The following SMCHD1 variants were observed in gnomAD, a reference collection of about 807,000 sequenced individuals.
SMCHD1 encodes structural maintenance of chromosomes flexible hinge domain containing 1.
A neutral mutation model predicts 254.7 loss-of-function variants in SMCHD1; 78 were observed. The observed-to-expected ratio is 0.31, with a 90% confidence interval of 0.26 to 0.37. The LOEUF (loss-of-function observed/expected upper bound fraction) is 0.37. Among genes scored for constraint, SMCHD1 ranks in the 10% least tolerant of loss-of-function variants. The pLI, the probability that SMCHD1 is intolerant of heterozygous loss-of-function variation, is 1.00. For missense variants in SMCHD1, 1,840 were observed against 2,408.1 expected (o/e 0.76, Z 4.94); for synonymous variants, 766 against 794.9 (o/e 0.96, Z 0.61).
At chr18:2,659,235 G>A (rs184783833) in intron 1 of SMCHD1, among the ~76,000 whole-genome samples, 10 of 152,082 alleles carry the variant, frequency 6.6e-5, no homozygotes, top group Admixed American at 5.9e-4. Flanking sequence ...CTCCTGCCTC[G>A]GCCTCTTGAG....
At chr18:2,678,724 ACT>A (rs1377473799) in intron 5 of SMCHD1, among the ~76,000 whole-genome samples, 1 of 151,260 alleles carries the variant, frequency 6.6e-6, no homozygotes, top group African/African-American at 2.4e-5. Flanking sequence ...AGCCCAAAGG[ACT>A]CTCTCTAGTG....
At chr18:2,715,500 A>G (rs962648298) in intron 17 of SMCHD1, among the ~76,000 whole-genome samples, 1 of 152,082 alleles carries the variant, frequency 6.6e-6, no homozygotes, top group Non-Finnish European at 1.5e-5. Flanking sequence ...CATATCCTGA[A>G]TTTCATTTTC....
rs1222672940 is a variant in SMCHD1, at chr18:2,778,209, T to C, written c.5517T>C (p.Asn1839=). 14 of 1,610,104 alleles carry C rather than the reference T, an allele frequency of 8.7e-6. No homozygotes were observed. Among genetic ancestry groups the C allele is most frequent in the Non-Finnish European group, 1.2e-5 (14 of 1,177,876 alleles). The change falls in exon 44 of 48, where the codon AAT becomes AAC. Residue 1839 remains asparagine (N), a synonymous_variant. Transcript: ENST00000320876. ...MLLGDTIILD[N]LDAANHYRKE... ...TAGGAGACACCATTATTTTGGATAA[T>C]CTGGATGCGGCCAATCATTATAGAA...
intron 12 of SMCHD1, among the ~76,000 whole-genome samples, chr18:2,703,299 A>AT (rs1473842038): frequency 2.0e-5 from 3 of 152,080 alleles, no homozygotes; most frequent in African/African-American, 4.8e-5. Context: ...ACACAATGAG[A>AT]TTTTTATCGT....
chr18:2,742,246 T>C (rs1454253509), intron 28 of SMCHD1, among the ~76,000 whole-genome samples: 1 of 152,184 alleles, frequency 6.6e-6, no homozygotes, highest in Non-Finnish European at 1.5e-5. Context: ...CAAGTGGACT[T>C]TTTTTCTACT....
intron 44 of SMCHD1, among the ~76,000 whole-genome samples, chr18:2,783,333 C>A (rs2076187731): frequency 6.6e-6 from 1 of 152,150 alleles, no homozygotes; most frequent in African/African-American, 2.4e-5. Flanking sequence ...AAGGGCTGTC[C>A]CAGGGCATAT....
chr18:2,737,124 A>G (rs780681010), intron 25 of SMCHD1, among the ~76,000 whole-genome samples: 2 of 152,238 alleles, frequency 1.3e-5, no homozygotes, highest in Admixed American at 1.3e-4. Flanking sequence ...ATGCAGGAAC[A>G]GGAACCCAAA....
At chr18:2,793,378 T>C (rs2076200485) in intron 45 of SMCHD1, among the ~76,000 whole-genome samples, 1 of 152,184 alleles carries the variant, frequency 6.6e-6, no homozygotes, top group African/African-American at 2.4e-5. Context: ...AAAACATTGC[T>C]TGAGGCCAGG....
At chr18:2,707,529 T>G (rs760994424) in intron 15 of SMCHD1, 34 bp from the exon 16 acceptor site, 19 of 1,331,504 alleles carry the variant, frequency 1.4e-5, no homozygotes, top group Non-Finnish European at 1.6e-5. Context: ...ATTAACAAAG[T>G]TTGTGGAACA....
At chr18:2,777,961 T>C (rs1247866057) in intron 43 of SMCHD1, 46 bp downstream of exon 43, 1 of 1,226,340 alleles carries the variant, frequency 8.2e-7, no homozygotes, top group African/African-American at 1.5e-5. Context: ...ATGTTAAATT[T>C]GTGACACAAA....
chr18:2,707,532 G>C (rs895100455), intron 15 of SMCHD1, 31 bp from the exon 16 acceptor site: 2 of 1,368,276 alleles, frequency 1.5e-6, no homozygotes, highest in Non-Finnish European at 1.0e-6. Context: ...AACAAAGTTT[G>C]TGGAACATTA....
chr18:2,662,242 T>C (rs1441192202), intron 1 of SMCHD1, among the ~76,000 whole-genome samples: 2 of 150,368 alleles, frequency 1.3e-5, no homozygotes, highest in East Asian at 1.9e-4. Flanking sequence ...AATAGACTTA[T>C]GTGGGATTAT....
chr18:2,712,171 A>G (rs1487894865), intron 17 of SMCHD1, among the ~76,000 whole-genome samples: 1 of 150,578 alleles, frequency 6.6e-6, no homozygotes, highest in Admixed American at 6.6e-5. Context: ...TTGCTAGCAT[A>G]TTGTTGAGAA....
chr18:2,783,667 G>T (rs2076194279), intron 44 of SMCHD1, among the ~76,000 whole-genome samples: 1 of 151,876 alleles, frequency 6.6e-6, no homozygotes, highest in African/African-American at 2.4e-5. Context: ...CCGCCTCCTG[G>T]ATTCAAGCGA....
rs546740889 is a variant in SMCHD1 at position 2,776,526 on chromosome 18, A to G, written c.5366+602A>G. Among the ~76,000 whole-genome samples, 6 of 152,186 alleles carry G rather than the reference A, an allele frequency of 3.9e-5. No individual in the cohort carries two copies. In the South Asian group the frequency reaches 1.2e-3, roughly 32 times the overall value. On this transcript the variant is annotated intron_variant, in intron 42 of 47. Coordinates refer to ENST00000320876, the MANE Select transcript of SMCHD1 (RefSeq NM_015295.3). ...ACCCAGCCCCTTTTTTATATTTTAT[A>G]TGTACCCTGATTAGGCCTACTTTTT...
At chr18:2,717,740 G>T (rs1174002085) in intron 17 of SMCHD1, among the ~76,000 whole-genome samples, 1 of 151,740 alleles carries the variant, frequency 6.6e-6, no homozygotes, top group Non-Finnish European at 1.5e-5. Context: ...CCCTCTTTTT[G>T]GTCTGTGTGG....
At chr18:2,681,184 G>A (rs940899328) in intron 5 of SMCHD1, among the ~76,000 whole-genome samples, 1 of 152,050 alleles carries the variant, frequency 6.6e-6, no homozygotes, top group Non-Finnish European at 1.5e-5. Context: ...AGGCTGAGGT[G>A]GGCGGATCAC....
chr18:2,701,070 T>TA, intron 12 of SMCHD1, 152 bp downstream of exon 12: 1 of 504,310 alleles, frequency 2.0e-6, no homozygotes, highest in Non-Finnish European at 3.3e-6. Context: ...TTCACATTAC[T>TA]AAAAAATTTA....
rs1256578636 is a variant in SMCHD1, at chr18:2,718,880, G to A, written c.2458+446G>A. ...TTTTGATTTTCAAATAGCTTTGTAA[G>A]TCTACTCGATAATCATATTCCTTCT... On this transcript the variant is annotated intron_variant, in intron 19 of 47. Transcript: ENST00000320876. This position sits in a 1 kb window ranked among gnomAD's most constrained non-coding sequence, Gnocchi z 4.6. Among the ~76,000 whole-genome samples, 1 of 152,008 alleles carries A rather than the reference G, an allele frequency of 6.6e-6. No individual in the cohort carries two copies. Among genetic ancestry groups the A allele is most frequent in the African/African-American group, 2.4e-5 (1 of 41,382 alleles).
Sources: allele counts gnomAD v4.1 joint callset (sites outside exome capture counted in the v4.1 genomes callset), GRCh38; gene constraint gnomAD v4.1.1; non-coding constraint Gnocchi (gnomAD v3.1); transcripts MANE v1.5; gene names NCBI Gene and HGNC (gene_info 2026-07-23, HGNC 2026-07-21).